CDCA5: variants seen among roughly 807,000 people sequenced by gnomAD.
CDCA5 encodes cell division cycle associated 5.
In CDCA5, 14 loss-of-function variants were observed where a neutral mutation model predicts 25.7. That is an observed-to-expected ratio of 0.54 (90% CI 0.36 to 0.85). The LOEUF (loss-of-function observed/expected upper bound fraction) is 0.85, where lower values mean the gene tolerates loss of function less well. Ranked by LOEUF, CDCA5 falls within the 40% of genes least tolerant of loss-of-function variation. The probability of loss-of-function intolerance (pLI) is 0.01; values close to 1 mark genes in which losing one functional copy is unlikely to be tolerated. For synonymous variants in CDCA5, 127 were observed against 128.7 expected (o/e 0.99, Z 0.09); for missense variants, 307 against 324.5 (o/e 0.95, Z 0.41).
At chr11:65,082,073 C>G (rs1295069728) in intron 4 of CDCA5, among the ~76,000 whole-genome samples, 1 of 152,216 alleles carries the variant, frequency 6.6e-6, no homozygotes, top group East Asian at 1.9e-4. Flanking sequence ...GTATATCATC[C>G]TGGCTTTAGC....
chr11:65,084,011 C>T lies in CDCA5; in HGVS notation c.-33G>A. 1 of 1,594,750 alleles carries T rather than the reference C, an allele frequency of 6.3e-7. No individual in the cohort carries two copies. The highest frequency in any genetic ancestry group is 8.5e-7 in the Non-Finnish European group (1 of 1,172,286). ...GCTCCGTCTCGAGCTCCTCCAGCGC[C>T]GCCGCCCCGGGCGCGCGCCAACCGG... is the stretch of plus-strand genomic sequence containing the variant. On this transcript the variant is annotated 5_prime_UTR_variant, in exon 1 of 6. Coordinates refer to ENST00000275517, the MANE Select transcript of CDCA5 (RefSeq NM_080668.4).
At chr11:65,069,021 C>T (rs2137070996) in intron 1 of CDCA5, among the ~76,000 whole-genome samples, 1 of 152,246 alleles carries the variant, frequency 6.6e-6, no homozygotes. Context: ...GGGAGGATCG[C>T]TTGAGCCCAG....
chr11:65,082,565 C>T (rs563813451), intron 4 of CDCA5, among the ~76,000 whole-genome samples: 70 of 149,416 alleles, frequency 4.7e-4, no homozygotes, highest in African/African-American at 1.7e-3. Context: ...TGGGTTTAAG[C>T]GATTCTCCTG....
downstream of CDCA5, among the ~76,000 whole-genome samples, chr11:65,073,149 T>C (rs1332650576): frequency 6.6e-6 from 1 of 151,890 alleles, no homozygotes; most frequent in Admixed American, 6.6e-5. Context: ...TTCACCATCT[T>C]GGCCAGGCTG....
downstream of CDCA5, among the ~76,000 whole-genome samples, chr11:65,061,662 C>A (rs1947186999): frequency 6.6e-6 from 1 of 150,916 alleles, no homozygotes; most frequent in African/African-American, 2.4e-5. Flanking sequence ...GTAGTCCCAG[C>A]TACTCTGGAG....
At chr11:65,063,394 T>C (rs571701715), downstream of CDCA5, among the ~76,000 whole-genome samples, 2 of 152,290 alleles carry the variant, frequency 1.3e-5, no homozygotes, top group South Asian at 4.1e-4. Context: ...CCACTGGGCC[T>C]GCAAAGCCAG....
chr11:65,083,852 C>A (rs1947631403), intron 1 of CDCA5, 81 bp downstream of exon 1: 5 of 1,596,042 alleles, frequency 3.1e-6, no homozygotes, highest in South Asian at 2.2e-5. Context: ...GCGGCGGCAG[C>A]GGGAGGGAAG....
rs1460735422 is a variant in CDCA5 at position 65,067,499 on chromosome 11, C to A, written c.368+156G>T. Among the ~76,000 whole-genome samples, 5 of 152,368 alleles carry A rather than the reference C, an allele frequency of 3.3e-5. No individual in the cohort carries two copies. In the East Asian group the frequency reaches 9.6e-4, roughly 29 times the overall value. On this transcript the variant is annotated intron_variant, in intron 4 of 6. Coordinates refer to the CDCA5 transcript ENST00000525464. ...ACATCCAGAGAACAAGCCCCTCCCC[C>A]AGACTGAACGCTCCTCAAGTTCTTG...
downstream of CDCA5, among the ~76,000 whole-genome samples, chr11:65,063,437 G>C (rs998305095): frequency 2.6e-5 from 4 of 152,232 alleles, no homozygotes; most frequent in African/African-American, 9.6e-5. Flanking sequence ...CTGGAGATCA[G>C]ATAACAGTCG....
At position 65,067,666 on chromosome 11, in the gene CDCA5, A is replaced by G. The variant is rs1255774585; in HGVS notation, c.357T>C (p.Asn119=). The change falls in exon 4 of 7, where the codon AAT becomes AAC. Residue 119 remains asparagine, a synonymous_variant. Transcript: ENST00000525464. ...CCCGCCCAGATCACCTCATGCAGTC[A>G]TTCTGCAACTGCCTGATCTCCTTTG... 10 of 1,289,662 alleles carry G rather than the reference A, an allele frequency of 7.8e-6. No homozygotes were observed. The Admixed American group carries it at 2.1e-4, about 27-fold the overall frequency. 79.9% of individuals were successfully genotyped at this position (1,289,662 alleles called of 1,614,324 possible).
chr11:65,066,869 A>T, exon 5 of CDCA5: 1 of 1,288,560 alleles, frequency 7.8e-7, no homozygotes, highest in Non-Finnish European at 1.0e-6. Context: ...GTGTTCAGTG[A>T]CTCCCGAAGC....
chr11:65,079,499 A>T lies in CDCA5; in HGVS notation c.532T>A (p.Ser178Thr). 1.2e-6 allele frequency: 2 copies of T among 1,614,096 alleles called. No individual in the cohort carries two copies. The highest frequency in any genetic ancestry group is 1.3e-5 in the African/African-American group (1 of 75,008). ...FEGLLGAEDLSGVSPVVCSKL... is the reference protein window; with the variant it reads ...FEGLLGAEDLTGVSPVVCSKL... Reference sequence around the variant, plus strand: ...GAGCACACCACTGGCGAGACTCCGGACAAGTCTTCTGCCCCCAGCAGCCCC... The same window carrying T: ...GAGCACACCACTGGCGAGACTCCGGTCAAGTCTTCTGCCCCCAGCAGCCCC... The change falls in exon 5 of 6, where the codon TCC (serine) becomes ACC (threonine). Residue 178 changes from serine to threonine, a missense_variant. Coordinates refer to ENST00000275517, the MANE Select transcript of CDCA5 (RefSeq NM_080668.4).
chr11:65,076,661 G>A (rs945119218), downstream of CDCA5, among the ~76,000 whole-genome samples: 4 of 152,184 alleles, frequency 2.6e-5, no homozygotes, highest in Admixed American at 1.3e-4. Flanking sequence ...GATGGGATGG[G>A]AGGCTGGTCT....
Position 65,077,859 on chromosome 11 carries a change from C to T in CDCA5, c.*1248G>A, listed in dbSNP as rs1051122691. The T allele has an allele frequency of 1.0e-6, 1 of 985,798 alleles. No individual in the cohort carries two copies. Among genetic ancestry groups the T allele is most frequent in the Non-Finnish European group, 1.2e-6 (1 of 830,102 alleles). The allele number at this position is 985,798 out of a possible 1,614,324, so 61.1% of individuals were successfully genotyped here. ...CCTGGCATTCTCTGTTATCCACCAG[C>T]TCCTCTGCACACCTCAGCGTCTACT... On this transcript the variant is annotated 3_prime_UTR_variant, in exon 6 of 6. Transcript: ENST00000275517.
At position 65,079,067 on chromosome 11, in the gene CDCA5, C is replaced by T. The variant is rs768589748; in HGVS notation, c.*40G>A. The T allele has an allele frequency of 3.8e-5, 57 of 1,502,958 alleles. No individual in the cohort carries two copies. The highest frequency in any genetic ancestry group is 4.8e-5 in the Non-Finnish European group (54 of 1,128,770). 93.1% of individuals were successfully genotyped at this position (1,502,958 alleles called of 1,614,324 possible). A position where few individuals can be genotyped will look rare whatever the true frequency, so the allele number is the denominator to read the frequency against. On this transcript the variant is annotated 3_prime_UTR_variant, in exon 6 of 6. Transcript: ENST00000275517. ...CACAGGGAGGTGGCTATGTACAGGA[C>T]AGGAGGGAGAGTCTGGCCAGGTGCA...
downstream of CDCA5, among the ~76,000 whole-genome samples, chr11:65,072,940 T>TC: frequency 7.3e-6 from 1 of 136,958 alleles, no homozygotes; most frequent in South Asian, 2.3e-4. Flanking sequence ...ATTTCATTCT[T>TC]TTTTTTTTTT....
chr11:65,083,989 C>T lies in CDCA5; in HGVS notation c.-11G>A, dbSNP rs765642943. ...TCGCCTCCCAGACATAACTTAGGCTCCGTCTCGAGCTCCTCCAGCGCCGCC... is the reference window on the plus strand; with the variant it reads ...TCGCCTCCCAGACATAACTTAGGCTTCGTCTCGAGCTCCTCCAGCGCCGCC... On this transcript the variant is annotated 5_prime_UTR_variant, in exon 1 of 6. Coordinates refer to ENST00000275517, the MANE Select transcript of CDCA5 (RefSeq NM_080668.4). 1 of 1,608,248 alleles carries T rather than the reference C, an allele frequency of 6.2e-7. No homozygotes were observed. The highest frequency in any genetic ancestry group is 8.5e-7 in the Non-Finnish European group (1 of 1,177,834).
chr11:65,067,180 A>G (rs1590784421), intron 4 of CDCA5, among the ~76,000 whole-genome samples: 1 of 152,186 alleles, frequency 6.6e-6, no homozygotes, highest in Admixed American at 6.5e-5. Flanking sequence ...TCCCCTTGGA[A>G]GGGGTGGGTG....
intron 4 of CDCA5, among the ~76,000 whole-genome samples, chr11:65,081,561 A>G (rs1481960535): frequency 6.6e-6 from 1 of 152,126 alleles, no homozygotes; most frequent in Non-Finnish European, 1.5e-5. Context: ...ATCTCAGTCA[A>G]TCAACAAGAA....
Sources: allele counts gnomAD v4.1 joint callset (sites outside exome capture counted in the v4.1 genomes callset), GRCh38; gene constraint gnomAD v4.1.1; transcripts MANE v1.5; gene names NCBI Gene and HGNC (gene_info 2026-07-23, HGNC 2026-07-21).